PTPRD: variants seen among roughly 807,000 people sequenced by gnomAD.
PTPRD encodes the protein receptor-type tyrosine-protein phosphatase delta.
PTPRD carries 34 observed loss-of-function variants against 214.5 expected under a neutral mutation model. That is an observed-to-expected ratio of 0.16 (90% confidence interval 0.12 to 0.21). The LOEUF (loss-of-function observed/expected upper bound fraction) is 0.21. Ranked by LOEUF, PTPRD falls within the 10% of genes least tolerant of loss-of-function variation. PTPRD has a pLI of 1.00. For missense variants in PTPRD, 2,545 were observed against 2,398.7 expected (o/e 1.06, Z -1.27); for synonymous variants, 1,128 against 845.7 (o/e 1.33, Z -5.79).
At chr9:9,606,965 T>TAAAAAAAAAAAAAAAAAAAAAAAAAA (rs754610072) in intron 7 of PTPRD, among the ~76,000 whole-genome samples, 1 of 27,456 alleles carries the variant, frequency 3.6e-5, no homozygotes, top group Admixed American at 8.6e-4. Flanking sequence ...TCAGCACTGC[T>TAAAAAAAAAAAAAAAAAAAAAAAAAA]AAAAAAAAAA....
At chr9:9,424,696 A>G (rs2080146373) in intron 8 of PTPRD, among the ~76,000 whole-genome samples, 1 of 152,244 alleles carries the variant, frequency 6.6e-6, no homozygotes, top group South Asian at 2.1e-4. Flanking sequence ...ATAAAGAAAT[A>G]TAATTGTCTA....
chr9:10,268,471 A>G (rs17695693), intron 3 of PTPRD, among the ~76,000 whole-genome samples: 13,780 of 152,090 alleles, frequency 0.091, 697 homozygotes, highest in Non-Finnish European at 0.11. Context: ...TTTGACCTCA[A>G]AAACTCTAAA....
chr9:9,068,363 A>G (rs940861776), intron 10 of PTPRD, among the ~76,000 whole-genome samples: 2 of 152,320 alleles, frequency 1.3e-5, no homozygotes, highest in East Asian at 3.9e-4. Flanking sequence ...ATAAATGCCC[A>G]TGAATGCAAT....
chr9:9,059,111 T>C (rs547897536), intron 10 of PTPRD, among the ~76,000 whole-genome samples: 6 of 151,916 alleles, frequency 3.9e-5, no homozygotes, highest in African/African-American at 9.7e-5. Context: ...TCATACCACA[T>C]GAAAAAAATA....
chr9:8,805,462 T>C (rs4562389), intron 11 of PTPRD, among the ~76,000 whole-genome samples: 96,552 of 151,652 alleles, frequency 0.64, 31,633 homozygotes, highest in Middle Eastern at 0.77. Flanking sequence ...AGAAAGCCAG[T>C]GGCTTGCCAA....
chr9:9,088,491 A>G (rs1382009929), intron 10 of PTPRD, among the ~76,000 whole-genome samples: 1 of 141,396 alleles, frequency 7.1e-6, no homozygotes, highest in Non-Finnish European at 1.5e-5. Context: ...GAGGCATGAG[A>G]TTTGTTTGAA....
At chr9:9,339,693 G>A (rs1006526121) in intron 9 of PTPRD, among the ~76,000 whole-genome samples, 7 of 152,110 alleles carry the variant, frequency 4.6e-5, no homozygotes, top group African/African-American at 1.7e-4. Flanking sequence ...AATAGCTACT[G>A]AATATTTGCT....
intron 5 of PTPRD, among the ~76,000 whole-genome samples, chr9:9,826,717 G>C (rs1263888833): frequency 2.0e-5 from 3 of 151,926 alleles, no homozygotes; most frequent in Non-Finnish European, 4.4e-5. Context: ...TTTGCAAAGA[G>C]GGACAATTTG....
chr9:9,615,172 G>A (rs2094781604), intron 7 of PTPRD, among the ~76,000 whole-genome samples: 1 of 152,088 alleles, frequency 6.6e-6, no homozygotes, highest in Non-Finnish European at 1.5e-5. Flanking sequence ...GACTCCCTGG[G>A]CAAGCCCTGC....
At chr9:9,220,660 T>C (rs533506104) in intron 9 of PTPRD, among the ~76,000 whole-genome samples, 4 of 152,096 alleles carry the variant, frequency 2.6e-5, no homozygotes, top group Non-Finnish European at 5.9e-5. Flanking sequence ...TGAATTCAAA[T>C]ATTGATGTAG....
chr9:9,992,560 T>A (rs201978170), intron 4 of PTPRD, among the ~76,000 whole-genome samples: 5 of 152,250 alleles, frequency 3.3e-5, no homozygotes, highest in African/African-American at 9.6e-5. Context: ...CAAATGTCCA[T>A]CAATGATAGA....
chr9:8,931,452 T>G (rs2098952019), intron 11 of PTPRD, among the ~76,000 whole-genome samples: 1 of 152,172 alleles, frequency 6.6e-6, no homozygotes, highest in Admixed American at 6.6e-5. Context: ...CGGGCTCTTT[T>G]TTGGTTCCGT....
chr9:8,664,781 G>A (rs1196439693), intron 12 of PTPRD, among the ~76,000 whole-genome samples: 1 of 152,156 alleles, frequency 6.6e-6, no homozygotes, highest in Non-Finnish European at 1.5e-5. Flanking sequence ...CATATACAAA[G>A]ATAAATAAAT....
chr9:8,877,273 G>A (rs376257284), intron 11 of PTPRD, among the ~76,000 whole-genome samples: 141 of 152,236 alleles, frequency 9.3e-4, no homozygotes, highest in African/African-American at 3.0e-3. Context: ...AAGAAGAAAC[G>A]TAATCTGGGC....
intron 8 of PTPRD, among the ~76,000 whole-genome samples, chr9:9,481,123 T>C (rs1158434273): frequency 2.0e-5 from 3 of 152,130 alleles, no homozygotes; most frequent in Admixed American, 1.3e-4. Context: ...ATGATGATGA[T>C]GACAGTTAAG....
chr9:8,625,886 T>C (rs1428454295), intron 14 of PTPRD, among the ~76,000 whole-genome samples: 1 of 150,666 alleles, frequency 6.6e-6, no homozygotes, highest in African/African-American at 2.4e-5. Flanking sequence ...AAAAAAAAAA[T>C]CTTGCTATCT....
intron 31 of PTPRD, among the ~76,000 whole-genome samples, chr9:8,466,891 G>T (rs1450518182): frequency 6.6e-6 from 1 of 151,784 alleles, no homozygotes; most frequent in Non-Finnish European, 1.5e-5. Context: ...TTAGTAGAAT[G>T]AGAGCCTGGC....
chr9:9,155,544 C>T (rs761371581), intron 10 of PTPRD, among the ~76,000 whole-genome samples: 1 of 152,138 alleles, frequency 6.6e-6, no homozygotes, highest in South Asian at 2.1e-4. Flanking sequence ...TCATAATCAA[C>T]ATTGCTTATT....
At chr9:10,009,395 G>T (rs184122861) in intron 4 of PTPRD, among the ~76,000 whole-genome samples, 2 of 151,856 alleles carry the variant, frequency 1.3e-5, no homozygotes, top group Non-Finnish European at 2.9e-5. Flanking sequence ...GCACGGGTTC[G>T]GTCCAGAAAG....
Sources: allele counts gnomAD v4.1 joint callset (sites outside exome capture counted in the v4.1 genomes callset), GRCh38; gene constraint gnomAD v4.1.1; transcripts MANE v1.5; gene names NCBI Gene and HGNC (gene_info 2026-07-23, HGNC 2026-07-21).